The following PRMT7 variants were observed in gnomAD, a reference collection of about 807,000 sequenced individuals.
The protein encoded by PRMT7 is protein arginine methyltransferase 7.
Under a neutral mutation model 85.4 loss-of-function variants are expected in PRMT7, and 75 were observed. That is an observed-to-expected ratio of 0.88 (90% CI 0.73 to 1.06). The LOEUF is 1.06. Ranked by LOEUF, PRMT7 falls within the 50% of genes least tolerant of loss-of-function variation. The pLI is 0.00. For synonymous variants in PRMT7, 397 were observed against 359.5 expected, an observed-to-expected ratio of 1.10 and a Z score of -1.18; for missense variants, 868 against 915.2, an observed-to-expected ratio of 0.95 and a Z score of 0.67.
intron 14 of PRMT7, among the ~76,000 whole-genome samples, chr16:68,350,292 G>T (rs1315303723): frequency 1.3e-5 from 2 of 152,142 alleles, no homozygotes; most frequent in Non-Finnish European, 2.9e-5. Flanking sequence ...GCCTTGGTGT[G>T]GATTGCTGGG....
intron 6 of PRMT7, among the ~76,000 whole-genome samples, chr16:68,335,575 A>G (rs1350418287): frequency 3.3e-5 from 5 of 151,570 alleles, no homozygotes; most frequent in Admixed American, 3.3e-4. Context: ...GGTGAGCTTC[A>G]TAGGAAGTGT....
Position 68,329,134 on chromosome 16 carries a change from G to A in PRMT7, c.351G>A (p.Lys117=), listed in dbSNP as rs143631827. The change falls in exon 6 of 19, where the codon AAG becomes AAA. Residue 117 remains lysine, a synonymous_variant. Transcript: ENST00000441236. ...VEKNGFSDKI[K]VINKHSTEVT... is the part of the protein sequence containing the mutation. ...AAAATGGCTTTAGTGATAAGATTAA[G>A]GTTATCAACAAGCATTCCACCGAGG... The A allele has an allele frequency of 1.6e-5, 26 of 1,610,046 alleles. No homozygotes were observed. Among genetic ancestry groups the A allele is most frequent in the Non-Finnish European group, 2.1e-5 (25 of 1,176,394 alleles).
At position 68,357,502 on chromosome 16, in the gene PRMT7, C is replaced by T; in HGVS notation, c.*278C>T. The T allele has an allele frequency of 5.2e-6, 2 of 382,324 alleles. No homozygotes were observed. The highest frequency in any genetic ancestry group is 6.9e-4 in the Middle Eastern group (1 of 1,454). The allele number at this position is 382,324 out of a possible 1,614,324, so 23.7% of individuals were successfully genotyped here. A position where few individuals can be genotyped will look rare whatever the true frequency, so the allele number is the denominator to read the frequency against. On this transcript the variant is annotated 3_prime_UTR_variant, in exon 19 of 19. Transcript: ENST00000441236. Reference sequence around the variant, plus strand: ...CTGAGGTGCTGAGAATGCTCCAACACAGAGACATCTCTCCCCAGCTGGGAA... The same window carrying T: ...CTGAGGTGCTGAGAATGCTCCAACATAGAGACATCTCTCCCCAGCTGGGAA...
chr16:68,324,413 G>C (rs908549509), intron 4 of PRMT7: 33 of 474,676 alleles, frequency 7.0e-5, no homozygotes, highest in Non-Finnish European at 9.5e-5. Context: ...CCTAACAGTT[G>C]GAAAAAGGAG....
Position 68,355,848 on chromosome 16 carries a change from G to C in PRMT7, c.1776G>C (p.Gln592His), listed in dbSNP as rs769501153. ...ACTTCCAGCAGCCGGTGCCCCTGCA[G>C]CCCCTGTGTGCCGAGGGCACCGTGG... ...TFDFQQPVPLQPLCAEGTVEL... is the reference protein window; with the variant it reads ...TFDFQQPVPLHPLCAEGTVEL... Residue 592 changes from glutamine to histidine, a missense_variant, in exon 17 of 19, where the codon CAG becomes CAC. By Grantham distance (24) the Gln-to-His change is conservative. Transcript: ENST00000441236. The C allele has an allele frequency of 4.4e-6, 7 of 1,607,652 alleles. No individual in the cohort carries two copies. The highest frequency in any genetic ancestry group is 5.9e-6 in the Non-Finnish European group (7 of 1,179,008).
At chr16:68,319,572 A>G (rs889989645) in intron 3 of PRMT7, among the ~76,000 whole-genome samples, 2 of 149,962 alleles carry the variant, frequency 1.3e-5, no homozygotes, top group African/African-American at 5.0e-5. Context: ...CTTCAGATAT[A>G]AAACCTTGAT....
At position 68,330,884 on chromosome 16, in the gene PRMT7, C is replaced by T. The variant is rs541884791; in HGVS notation, c.391+1710C>T. On this transcript the variant is annotated intron_variant, in intron 6 of 18. Coordinates refer to ENST00000441236, the MANE Select transcript of PRMT7 (RefSeq NM_019023.5). ...TGCTGGGATTACAGGTGTGAGCCAC[C>T]GCGCCCGGCCTATCTTTTTTATTTT... is the stretch of plus-strand genomic sequence containing the variant. Among the ~76,000 whole-genome samples, 224 of 152,276 alleles carry T rather than the reference C, an allele frequency of 1.5e-3. 3 individuals carry two copies. Among genetic ancestry groups the T allele is most frequent in the African/African-American group, 4.8e-3 (201 of 41,564 alleles).
At position 68,324,995 on chromosome 16, in the gene PRMT7, C is replaced by T. The variant is rs1007453767; in HGVS notation, c.282+163C>T. Reference sequence around the variant, plus strand: ...GTATAGAGATGAGTCAGACACAGTTCCTTCCTCCAGGAGCTAATTTTCTCC... The same window carrying T: ...GTATAGAGATGAGTCAGACACAGTTTCTTCCTCCAGGAGCTAATTTTCTCC... On this transcript the variant is annotated intron_variant, in intron 5 of 18. Transcript: ENST00000441236. The T allele has an allele frequency of 1.9e-5, 16 of 839,350 alleles. No homozygotes were observed. In the African/African-American group the frequency reaches 2.5e-4, roughly 13 times the overall value. 52.0% of individuals were successfully genotyped at this position (839,350 alleles called of 1,614,324 possible). A position where few individuals can be genotyped will look rare whatever the true frequency, so the allele number is the denominator to read the frequency against.
At chr16:68,332,422 T>G (rs2084028596) in intron 6 of PRMT7, among the ~76,000 whole-genome samples, 3 of 152,182 alleles carry the variant, frequency 2.0e-5, no homozygotes, top group Admixed American at 2.0e-4. Context: ...TCTAAGGCTG[T>G]TTAGCCAGAC....
intron 6 of PRMT7, among the ~76,000 whole-genome samples, chr16:68,336,147 T>C (rs2084658536): frequency 6.6e-6 from 1 of 152,178 alleles, no homozygotes; most frequent in African/African-American, 2.4e-5. Context: ...GTAGGGGAAA[T>C]GAGTGGGCTT....
intron 16 of PRMT7, chr16:68,354,436 G>T (rs764716471): frequency 6.6e-6 from 1 of 152,282 alleles, no homozygotes; most frequent in Non-Finnish European, 1.5e-5. Flanking sequence ...CCCCGCAGCA[G>T]CAGCTATGCA....
At chr16:68,352,022 C>T in intron 14 of PRMT7, 1 of 498,874 alleles carries the variant, frequency 2.0e-6, no homozygotes, top group Admixed American at 3.5e-5. Flanking sequence ...TTACAGCCTC[C>T]AGGGCAGGTA....
intron 14 of PRMT7, among the ~76,000 whole-genome samples, chr16:68,349,935 C>T (rs1182031198): frequency 6.6e-6 from 1 of 152,156 alleles, no homozygotes. Flanking sequence ...TCTGTTACCT[C>T]CCAAATTCCT....
At chr16:68,334,417 C>T (rs1450851824) in intron 6 of PRMT7, among the ~76,000 whole-genome samples, 1 of 152,162 alleles carries the variant, frequency 6.6e-6, no homozygotes, top group Non-Finnish European at 1.5e-5. Flanking sequence ...GTACTTCTGC[C>T]ATTCCTTCCT....
At chr16:68,334,008 C>T (rs112360248) in intron 6 of PRMT7, among the ~76,000 whole-genome samples, 2,729 of 152,220 alleles carry the variant, frequency 0.018, 107 homozygotes, top group African/African-American at 0.061. Context: ...TGACCTCAAG[C>T]GATCTGCCTG....
intron 9 of PRMT7, among the ~76,000 whole-genome samples, chr16:68,343,536 T>C (rs1017470274): frequency 1.2e-4 from 18 of 152,136 alleles, no homozygotes; most frequent in East Asian, 9.6e-4. Flanking sequence ...CTTGGCACAG[T>C]GGGTTCTGTC....
chr16:68,342,085 C>G (rs1488532673), intron 9 of PRMT7, among the ~76,000 whole-genome samples: 1 of 152,130 alleles, frequency 6.6e-6, no homozygotes, highest in African/African-American at 2.4e-5. Flanking sequence ...CGAGACCAGC[C>G]TGGCCAACAT....
rs763499821 is a variant in PRMT7 at position 68,353,575 on chromosome 16, G to A, written c.1650+9G>A. 25 of 1,569,644 alleles carry A rather than the reference G, an allele frequency of 1.6e-5. No individual in the cohort carries two copies. Among genetic ancestry groups the A allele is most frequent in the Non-Finnish European group, 2.1e-5 (24 of 1,157,612 alleles). ...TGGACGACATGATTAAGGTAGGCAG[G>A]GCCACACTCTGCATAGTACCCCCGA... On this transcript the variant is annotated intron_variant, in intron 16 of 18. Coordinates refer to ENST00000441236, the MANE Select transcript of PRMT7 (RefSeq NM_019023.5).
At chr16:68,356,910 C>A in intron 18 of PRMT7, 113 bp downstream of exon 18, 1 of 1,365,626 alleles carries the variant, frequency 7.3e-7, no homozygotes, top group Non-Finnish European at 1.0e-6. Context: ...TTCTTCGGGC[C>A]AGATGATGAC....
Sources: allele counts gnomAD v4.1 joint callset (sites outside exome capture counted in the v4.1 genomes callset), GRCh38; gene constraint gnomAD v4.1.1; transcripts MANE v1.5; gene names NCBI Gene and HGNC (gene_info 2026-07-23, HGNC 2026-07-21).